ANAPC11: variants seen among roughly 807,000 people sequenced by gnomAD.
The protein encoded by ANAPC11 is anaphase-promoting complex subunit 11.
Under a neutral mutation model 11.8 loss-of-function variants are expected in ANAPC11, and 5 were observed. The observed-to-expected ratio is 0.42, with a 90% confidence interval of 0.22 to 0.89. The LOEUF is 0.89. Among genes scored for constraint, ANAPC11 ranks in the 40% least tolerant of loss-of-function variants. ANAPC11 has a pLI of 0.28. For synonymous variants in ANAPC11, 45 were observed against 41.0 expected (o/e 1.10, Z -0.38); for missense variants, 68 against 112.9 (o/e 0.60, Z 1.80).
chr17:81,894,476 C>T lies in ANAPC11; in HGVS notation c.-2C>T, dbSNP rs769270755. ...GTTCCCTCCGCCGCAGGCTCTGCTGCCATGAAGGTGAAGATTAAGTGCTGG... is the reference window on the plus strand; with the variant it reads ...GTTCCCTCCGCCGCAGGCTCTGCTGTCATGAAGGTGAAGATTAAGTGCTGG... On this transcript the variant is annotated 5_prime_UTR_variant, in exon 3 of 4. Transcript: ENST00000344877. 6 of 1,607,864 alleles carry T rather than the reference C, an allele frequency of 3.7e-6. No homozygotes were observed. In the East Asian group the frequency reaches 1.3e-4, roughly 36 times the overall value.
At chr17:81,896,499 T>C (rs2039748107) in intron 3 of ANAPC11, among the ~76,000 whole-genome samples, 3 of 152,210 alleles carry the variant, frequency 2.0e-5, no homozygotes, top group African/African-American at 7.2e-5. Flanking sequence ...GAAATGGTTT[T>C]TCATGAGACC....
At chr17:81,898,673 A>AG (rs1435338932) in intron 3 of ANAPC11, 2 of 153,146 alleles carry the variant, frequency 1.3e-5, no homozygotes, top group African/African-American at 4.8e-5. Context: ...TGGGAGCCCG[A>AG]GGCTGGTAAA....
At chr17:81,895,985 CAAAATTGAATGGCATAGG>C (rs1332974812) in intron 3 of ANAPC11, among the ~76,000 whole-genome samples, 7 of 151,964 alleles carry the variant, frequency 4.6e-5, no homozygotes, top group Non-Finnish European at 8.8e-5. Context: ...TGAAAATTCT[CAAAATTGAATGGCATAGG>C]CCAGGCGCAG....
At position 81,894,600 on chromosome 17, in the gene ANAPC11, C is replaced by G; in HGVS notation, c.109+14C>G. 2.5e-6 allele frequency: 4 copies of G among 1,580,034 alleles called. No individual in the cohort carries two copies. The highest frequency in any genetic ancestry group is 3.5e-6 in the Non-Finnish European group (4 of 1,155,366). On this transcript the variant is annotated intron_variant, in intron 3 of 3. Transcript: ENST00000344877. ...GCTGCCCTGACTGTGAGTGTCCCCT[C>G]CATGCTGTCTGAGCGGCCCCGACTG...
At chr17:81,899,786 G>T in intron 3 of ANAPC11, 134 bp from the exon 4 acceptor site, 3 of 1,043,384 alleles carry the variant, frequency 2.9e-6, no homozygotes, top group Non-Finnish European at 4.1e-6. Context: ...CCTGATTTCG[G>T]CTTCTCTGAA....
chr17:81,899,118 T>C, intron 3 of ANAPC11: 1 of 1,064,196 alleles, frequency 9.4e-7, no homozygotes, highest in Non-Finnish European at 1.3e-6. Flanking sequence ...GCCGTGGGGC[T>C]GGGGCTGGGA....
At chr17:81,897,114 C>T (rs2039773979) in intron 3 of ANAPC11, among the ~76,000 whole-genome samples, 1 of 152,224 alleles carries the variant, frequency 6.6e-6, no homozygotes, top group African/African-American at 2.4e-5. Flanking sequence ...GATTCTCCTG[C>T]CTCAGCTTTC....
rs1240091630 is a variant in ANAPC11, at chr17:81,894,498, C to T, written c.21C>T (p.Cys7=). 6.2e-7 allele frequency: 1 copy of T among 1,612,808 alleles called. No homozygotes were observed. Residue 7 remains cysteine, a synonymous_variant, in exon 3 of 4, where the codon TGC becomes TGT. Transcript: ENST00000344877. ...CTGCCATGAAGGTGAAGATTAAGTGCTGGAACGGCGTGGCCACTTGGCTCT... is the reference window on the plus strand; with the variant it reads ...CTGCCATGAAGGTGAAGATTAAGTGTTGGAACGGCGTGGCCACTTGGCTCT... MKVKIK[C]WNGVATWLWV...
At chr17:81,897,806 T>G (rs1310951813) in intron 3 of ANAPC11, among the ~76,000 whole-genome samples, 13 of 152,104 alleles carry the variant, frequency 8.5e-5, no homozygotes, top group Admixed American at 8.5e-4. Context: ...ATTTTTAATT[T>G]TTTTTGTGGA....
chr17:81,891,592 C>CGCGCGTCAGCACGCCG (rs1555609064), upstream of ANAPC11: 16 of 1,406,822 alleles, frequency 1.1e-5, no homozygotes, highest in African/African-American at 2.0e-4. Context: ...GGCTCGAGCC[C>CGCGCGTCAGCACGCCG]GCGCGTCAGC....
chr17:81,894,715 CT>C (rs529200093), intron 3 of ANAPC11, 129 bp downstream of exon 3: 45,233 of 352,092 alleles, frequency 0.13, 1 homozygote, highest in East Asian at 0.17. Flanking sequence ...GTTTCATTTT[CT>C]TTTTTTTTTT....
Position 81,899,909 on chromosome 17 carries a change from C to T in ANAPC11, c.110-11C>T. The T allele has an allele frequency of 6.2e-7, 1 of 1,604,868 alleles. No homozygotes were observed. On this transcript the variant is annotated splice_polypyrimidine_tract_variant and intron_variant, in intron 3 of 3. Transcript: ENST00000344877. Reference sequence around the variant, plus strand: ...GTCATGCCTGTCCTTTTCCCCACCTCCCCTCCGTAGGCAAGGTGCCCGGCG... The same window carrying T: ...GTCATGCCTGTCCTTTTCCCCACCTTCCCTCCGTAGGCAAGGTGCCCGGCG...
chr17:81,893,802 A>T (rs1598297017), intron 2 of ANAPC11, among the ~76,000 whole-genome samples, 188 bp downstream of exon 2: 1 of 117,200 alleles, frequency 8.5e-6, no homozygotes. Flanking sequence ...TCACTGTGTT[A>T]CACAGGCTGG....
Position 81,899,946 on chromosome 17 carries a change from C to T in ANAPC11, c.136C>T (p.Leu46=). 1 of 1,610,684 alleles carries T rather than the reference C, an allele frequency of 6.2e-7. No individual in the cohort carries two copies. The highest frequency in any genetic ancestry group is 8.5e-7 in the Non-Finnish European group (1 of 1,177,984). The stretch of plus-strand genomic sequence containing the variant: ...CAAGGTGCCCGGCGACGACTGCCCG[C>T]TGGTGTGGGGCCAGTGCTCCCACTG... ...DCKVPGDDCP[L]VWGQCSHCFH... Residue 46 remains leucine, a synonymous_variant, in exon 4 of 4, where the codon CTG becomes TTG. Coordinates refer to ENST00000344877, the MANE Select transcript of ANAPC11 (RefSeq NM_001002248.3).
chr17:81,891,104 G>C (rs560778861), upstream of ANAPC11: 2 of 656,616 alleles, frequency 3.0e-6, no homozygotes, highest in Middle Eastern at 4.4e-4. Context: ...AACAAACAAA[G>C]AGCTGGGAAG....
At chr17:81,899,256 G>A in intron 3 of ANAPC11, 1 of 1,611,704 alleles carries the variant, frequency 6.2e-7, no homozygotes, top group South Asian at 1.1e-5. Context: ...TCTCCATGGA[G>A]AAAGCATTTC....
chr17:81,897,299 CTTG>C (rs1489542634), intron 3 of ANAPC11, among the ~76,000 whole-genome samples: 3 of 151,922 alleles, frequency 2.0e-5, no homozygotes, highest in Non-Finnish European at 2.9e-5. Context: ...GCGCCCAGCC[CTTG>C]TTGTATTTTT....
At chr17:81,891,511 G>T (rs1478896297), upstream of ANAPC11, 3 of 1,346,618 alleles carry the variant, frequency 2.2e-6, no homozygotes, top group Admixed American at 5.4e-5. Flanking sequence ...CGCTGGCTCC[G>T]GTTCAGTTTA....
chr17:81,897,226 C>G (rs1367952918), intron 3 of ANAPC11, among the ~76,000 whole-genome samples: 1 of 151,998 alleles, frequency 6.6e-6, no homozygotes, highest in Non-Finnish European at 1.5e-5. Context: ...GTCTCGATCT[C>G]TTGACCTCGT....
Sources: gnomAD v4.1 joint callset for allele counts (sites outside exome capture counted in the v4.1 genomes callset) on GRCh38, gnomAD v4.1.1 for gene constraint, MANE v1.5 for transcripts, NCBI Gene and HGNC (gene_info 2026-07-23, HGNC 2026-07-21) for gene names.